Variants in ATF1 observed in about 807,000 individuals in gnomAD.
ATF1 encodes the protein activating transcription factor 1.
In ATF1, 16 loss-of-function variants were observed where a neutral mutation model predicts 34.7. That is an observed-to-expected ratio of 0.46 (90% confidence interval 0.31 to 0.70). ATF1 has a LOEUF of 0.70. Among genes scored for constraint, ATF1 ranks in the 30% least tolerant of loss-of-function variants. The pLI, the probability that ATF1 is intolerant of heterozygous loss-of-function variation, is 0.05. For synonymous variants in ATF1, 105 were observed against 113.1 expected (o/e 0.93, Z 0.46); for missense variants, 255 against 321.6 (o/e 0.79, Z 1.58).
chr12:50,787,258 A>T (rs1452479297), intron 2 of ATF1, among the ~76,000 whole-genome samples: 2 of 152,208 alleles, frequency 1.3e-5, no homozygotes, highest in Non-Finnish European at 2.9e-5. Context: ...CACTGTCAAA[A>T]ACCAAAACAA....
intron 4 of ATF1, among the ~76,000 whole-genome samples, chr12:50,811,078 A>G (rs1455741868): frequency 2.0e-5 from 3 of 152,180 alleles, no homozygotes; most frequent in East Asian, 3.9e-4. Flanking sequence ...TACCTCAGAC[A>G]CACGAGCTTG....
intron 2 of ATF1, among the ~76,000 whole-genome samples, chr12:50,780,967 T>G (rs950194602): frequency 7.9e-5 from 12 of 151,428 alleles, no homozygotes; most frequent in African/African-American, 2.7e-4. Context: ...ATCATAAAAA[T>G]AAATAAATAA....
intron 3 of ATF1, among the ~76,000 whole-genome samples, chr12:50,805,351 T>A (rs1429632062): frequency 6.7e-6 from 1 of 149,292 alleles, no homozygotes; most frequent in Non-Finnish European, 1.5e-5. Flanking sequence ...AGCCCAAGAG[T>A]TTGAGACCAG....
chr12:50,782,753 G>A (rs181636837), intron 2 of ATF1, among the ~76,000 whole-genome samples: 8 of 146,136 alleles, frequency 5.5e-5, no homozygotes, highest in African/African-American at 1.8e-4. Flanking sequence ...GCAGTGGTGC[G>A]ATCTTGGCTC....
intron 2 of ATF1, among the ~76,000 whole-genome samples, chr12:50,793,366 C>T (rs1941343501): frequency 6.6e-6 from 1 of 152,074 alleles, no homozygotes; most frequent in African/African-American, 2.4e-5. Flanking sequence ...TGGCTCATAC[C>T]TGTAATCCCA....
At chr12:50,774,843 G>A (rs955386956) in intron 1 of ATF1, among the ~76,000 whole-genome samples, 17 of 151,498 alleles carry the variant, frequency 1.1e-4, no homozygotes, top group Admixed American at 6.6e-5. Flanking sequence ...CGCCTCCCGG[G>A]TTCACGCCAT....
intron 2 of ATF1, among the ~76,000 whole-genome samples, chr12:50,791,406 A>C (rs1941298676): frequency 6.6e-6 from 1 of 152,194 alleles, no homozygotes; most frequent in African/African-American, 2.4e-5. Flanking sequence ...AAATACAAAA[A>C]TTAGCTGGGC....
At chr12:50,787,189 T>A (rs995757121) in intron 2 of ATF1, among the ~76,000 whole-genome samples, 7 of 152,226 alleles carry the variant, frequency 4.6e-5, no homozygotes, top group African/African-American at 1.7e-4. Context: ...TTACCCATGA[T>A]GTCTGTCATT....
chr12:50,791,848 A>G (rs1565908746), intron 2 of ATF1, among the ~76,000 whole-genome samples: 1 of 152,196 alleles, frequency 6.6e-6, no homozygotes, highest in Non-Finnish European at 1.5e-5. Context: ...TGGTATTTCC[A>G]TGAAACCGCA....
chr12:50,771,503 G>A (rs1370929137), intron 1 of ATF1, among the ~76,000 whole-genome samples: 1 of 152,118 alleles, frequency 6.6e-6, no homozygotes, highest in African/African-American at 2.4e-5. Flanking sequence ...CTCATAGGCA[G>A]GCAGGAATAT....
chr12:50,766,200 C>A (rs1940630835), intron 1 of ATF1, among the ~76,000 whole-genome samples: 1 of 152,172 alleles, frequency 6.6e-6, no homozygotes, highest in Admixed American at 6.5e-5. Flanking sequence ...AGCGACTATA[C>A]TGCGGAAACC....
At chr12:50,781,327 T>C (rs1241715024) in intron 2 of ATF1, among the ~76,000 whole-genome samples, 2 of 152,184 alleles carry the variant, frequency 1.3e-5, no homozygotes, top group African/African-American at 4.8e-5. Flanking sequence ...ACATGTTCAG[T>C]ATAGAGAAAT....
At chr12:50,770,034 A>G (rs1940733662) in intron 1 of ATF1, among the ~76,000 whole-genome samples, 1 of 152,234 alleles carries the variant, frequency 6.6e-6, no homozygotes, top group East Asian at 1.9e-4. Flanking sequence ...TTCAGAGTCA[A>G]GGAAACTTTT....
rs548226825 is a variant in ATF1 at position 50,788,744 on chromosome 12, A to C, written c.94-7165A>C. Among the ~76,000 whole-genome samples, 3 of 152,230 alleles carry C rather than the reference A, an allele frequency of 2.0e-5. No homozygotes were observed. In the South Asian group the frequency reaches 6.2e-4, roughly 32 times the overall value. On this transcript the variant is annotated intron_variant, in intron 2 of 6. Transcript: ENST00000262053. The stretch of plus-strand genomic sequence containing the variant: ...CATGGACATGTGCAAAGTGGCAAAA[A>C]ATTTGAGTCACTCCTATATTCCTGG...
chr12:50,812,851 T>C (rs1941765186), intron 4 of ATF1, among the ~76,000 whole-genome samples: 3 of 152,052 alleles, frequency 2.0e-5, no homozygotes, highest in Admixed American at 2.0e-4. Context: ...TATCCCTGTA[T>C]CTAACATTTA....
intron 4 of ATF1, among the ~76,000 whole-genome samples, chr12:50,811,159 G>A (rs1284168863): frequency 6.6e-6 from 1 of 152,084 alleles, no homozygotes; most frequent in Non-Finnish European, 1.5e-5. Flanking sequence ...TCCTTATGTG[G>A]CTACTCTGCT....
intron 3 of ATF1, among the ~76,000 whole-genome samples, chr12:50,807,547 T>G (rs1941639460): frequency 6.6e-6 from 1 of 152,128 alleles, no homozygotes; most frequent in Admixed American, 6.5e-5. Flanking sequence ...TTCCTGGAAG[T>G]AGAGGTTTTC....
intron 2 of ATF1, among the ~76,000 whole-genome samples, chr12:50,785,837 T>A (rs973502885): frequency 3.3e-5 from 5 of 152,322 alleles, no homozygotes; most frequent in Middle Eastern, 3.4e-3. Flanking sequence ...AGCAGCCTGC[T>A]TCAAGTCCAG....
At chr12:50,788,457 C>G in intron 2 of ATF1, 1 of 272,942 alleles carries the variant, frequency 3.7e-6, no homozygotes, top group Non-Finnish European at 7.2e-6. Flanking sequence ...AAGTGCAGTG[C>G]TGGTATGCGT....
Sources: gnomAD v4.1 joint callset for allele counts (sites outside exome capture counted in the v4.1 genomes callset) on GRCh38, gnomAD v4.1.1 for gene constraint, MANE v1.5 for transcripts, NCBI Gene and HGNC (gene_info 2026-07-23, HGNC 2026-07-21) for gene names.